NREP: variants seen among roughly 807,000 people sequenced by gnomAD.
The protein encoded by NREP is neuronal regeneration related protein.
In NREP, 5 loss-of-function variants were observed where a neutral mutation model predicts 8.6. The observed-to-expected ratio is 0.58, with a 90% CI of 0.30 to 1.22. The LOEUF is 1.22. Among genes scored for constraint, NREP ranks in the 50% most tolerant of loss-of-function variants. The pLI is 0.07. For synonymous variants in NREP, 27 were observed against 28.0 expected (o/e 0.96, Z 0.11); for missense variants, 86 against 82.5 (o/e 1.04, Z -0.17).
intron 2 of NREP, among the ~76,000 whole-genome samples, chr5:111,959,912 T>C (rs1756435059): frequency 6.6e-6 from 1 of 152,056 alleles, no homozygotes; most frequent in Non-Finnish European, 1.5e-5. Flanking sequence ...TTATATGTAT[T>C]ATAACCAGGA....
chr5:111,866,250 C>A (rs1753662037), intron 2 of NREP, among the ~76,000 whole-genome samples: 1 of 152,028 alleles, frequency 6.6e-6, no homozygotes, highest in Non-Finnish European at 1.5e-5. Context: ...GCAACCTACT[C>A]ATCTGACAAA....
At chr5:111,956,159 C>G (rs1756311094) in intron 2 of NREP, among the ~76,000 whole-genome samples, 1 of 152,044 alleles carries the variant, frequency 6.6e-6, no homozygotes, top group Non-Finnish European at 1.5e-5. Context: ...AGGGAAACCT[C>G]TACAACCCAG....
intron 2 of NREP, among the ~76,000 whole-genome samples, chr5:111,919,081 G>A (rs12187919): frequency 0.46 from 70,447 of 151,788 alleles, 17,333 homozygotes; most frequent in Non-Finnish European, 0.56. Context: ...GGATACGAAC[G>A]GACACTTCTC....
chr5:111,972,606 G>A (rs949209056), intron 2 of NREP, among the ~76,000 whole-genome samples: 1 of 152,182 alleles, frequency 6.6e-6, no homozygotes, highest in Non-Finnish European at 1.5e-5. Context: ...TCAAAGGGAT[G>A]GGCTCCCAAG....
chr5:111,942,338 C>A (rs1755852633), intron 2 of NREP, among the ~76,000 whole-genome samples: 2 of 151,908 alleles, frequency 1.3e-5, no homozygotes, highest in African/African-American at 4.8e-5. Flanking sequence ...GTCGCCTTTC[C>A]ATCTGAAAAG....
intron 2 of NREP, among the ~76,000 whole-genome samples, chr5:111,911,559 A>G (rs369567746): frequency 9.2e-5 from 14 of 152,176 alleles, no homozygotes; most frequent in African/African-American, 3.4e-4. Context: ...AGCTGGAGAT[A>G]TGTTATATGC....
chr5:111,770,620 G>C lies in NREP; in HGVS notation c.136-35113C>G, dbSNP rs528487341. On this transcript the variant is annotated intron_variant, in intron 2 of 3. Coordinates refer to the NREP transcript ENST00000395634. ...CTCACTCTGTTACCCAGGCTGGATG[G>C]AGTACAGCGAAACAATCACGGCTCA... Among the ~76,000 whole-genome samples the C allele has an allele frequency of 2.9e-5, 4 of 136,862 alleles. No individual in the cohort carries two copies. In the East Asian group the frequency reaches 8.5e-4, roughly 29 times the overall value. The allele number at this position is 136,862 out of a possible 152,430, so 89.8% of individuals were successfully genotyped here. A position where few individuals can be genotyped will look rare whatever the true frequency, so the allele number is the denominator to read the frequency against.
At chr5:111,895,232 G>C (rs146264631) in intron 2 of NREP, among the ~76,000 whole-genome samples, 169 of 152,268 alleles carry the variant, frequency 1.1e-3, no homozygotes, top group African/African-American at 3.9e-3. Flanking sequence ...GGACAGAGTG[G>C]GGCTCAGGAA....
At position 111,902,524 on chromosome 5, in the gene NREP, A is replaced by T. The variant is rs540355463; in HGVS notation, c.135+72750T>A. Among the ~76,000 whole-genome samples, 16 of 152,274 alleles carry T rather than the reference A, an allele frequency of 1.1e-4. No individual in the cohort carries two copies. In the South Asian group the frequency reaches 3.1e-3, roughly 30 times the overall value. The stretch of plus-strand genomic sequence containing the variant: ...CTGAAGACAAACTACAATCAAAGTA[A>T]CAGCTACCACGAGGTAGAAAGAAGT... On this transcript the variant is annotated intron_variant, in intron 2 of 3. Transcript: ENST00000395634.
intron 2 of NREP, among the ~76,000 whole-genome samples, chr5:111,909,146 G>A (rs1056910195): frequency 2.6e-5 from 4 of 151,976 alleles, no homozygotes; most frequent in Admixed American, 6.6e-5. Context: ...TGCATAGTTC[G>A]CGAATATTTT....
chr5:111,929,159 G>A (rs1755471149), intron 2 of NREP, among the ~76,000 whole-genome samples: 1 of 152,046 alleles, frequency 6.6e-6, no homozygotes, highest in Non-Finnish European at 1.5e-5. Context: ...GAATTCTACT[G>A]TCTTTTGCTA....
chr5:111,930,916 C>T (rs1167678004), intron 2 of NREP, among the ~76,000 whole-genome samples: 1 of 152,132 alleles, frequency 6.6e-6, no homozygotes, highest in Non-Finnish European at 1.5e-5. Context: ...ACACAATCCA[C>T]TTGTCCTGCT....
chr5:111,939,603 G>A (rs1755776036), intron 2 of NREP, among the ~76,000 whole-genome samples: 1 of 152,064 alleles, frequency 6.6e-6, no homozygotes, highest in African/African-American at 2.4e-5. Flanking sequence ...GTGCACAGCT[G>A]AGGTCAAACA....
intron 2 of NREP, among the ~76,000 whole-genome samples, chr5:111,822,926 A>T (rs1378293274): frequency 6.6e-6 from 1 of 152,246 alleles, no homozygotes; most frequent in East Asian, 1.9e-4. Context: ...TAAAACTAAA[A>T]GCCATATGTT....
chr5:111,773,269 T>C (rs1455350210), intron 2 of NREP, among the ~76,000 whole-genome samples: 1 of 152,116 alleles, frequency 6.6e-6, no homozygotes, highest in Non-Finnish European at 1.5e-5. Context: ...TGGGAAGATA[T>C]ACCTTAGGAG....
intron 2 of NREP, among the ~76,000 whole-genome samples, chr5:111,953,062 G>A (rs767374481): frequency 6.6e-6 from 1 of 152,094 alleles, no homozygotes; most frequent in South Asian, 2.1e-4. Flanking sequence ...TGCTGCAGCT[G>A]AAATTACGCT....
intron 2 of NREP, chr5:111,948,954 C>T (rs1360498902): frequency 6.6e-6 from 1 of 151,914 alleles, no homozygotes; most frequent in Non-Finnish European, 1.5e-5. Flanking sequence ...TAATCTCTTC[C>T]TAGGATGTAC....
At chr5:111,737,712 T>C (rs1749253928) in intron 2 of NREP, among the ~76,000 whole-genome samples, 1 of 134,590 alleles carries the variant, frequency 7.4e-6, no homozygotes, top group African/African-American at 3.4e-5. Flanking sequence ...ACTCTCCATT[T>C]GCTAAAAAAA....
chr5:111,871,160 T>C (rs962813474), intron 2 of NREP, among the ~76,000 whole-genome samples: 7 of 151,690 alleles, frequency 4.6e-5, no homozygotes, highest in Non-Finnish European at 7.4e-5. Flanking sequence ...TGTGCAAATA[T>C]CATAGAGTGT....
Sources: allele counts gnomAD v4.1 joint callset (sites outside exome capture counted in the v4.1 genomes callset), GRCh38; gene constraint gnomAD v4.1.1; transcripts MANE v1.5; gene names NCBI Gene and HGNC (gene_info 2026-07-23, HGNC 2026-07-21).